ANKRD28: variants seen among roughly 807,000 people sequenced by gnomAD.
ANKRD28 encodes ankyrin repeat domain 28.
ANKRD28 carries 44 observed loss-of-function variants against 126.5 expected under a neutral mutation model. The observed-to-expected ratio is 0.35, with a 90% CI of 0.27 to 0.45. The LOEUF (loss-of-function observed/expected upper bound fraction) is 0.45, where lower values mean the gene tolerates loss of function less well. ANKRD28 is among the 20% of genes least tolerant of loss of function. ANKRD28 has a pLI of 1.00. For synonymous variants in ANKRD28, 442 were observed against 468.5 expected (o/e 0.94, Z 0.73); for missense variants, 1,110 against 1,316.6 (o/e 0.84, Z 2.43).
In ANKRD28 at chr3:15,796,663, TA is replaced by T. The variant is rs2060291922; in HGVS notation, c.-143del. ...GCTGGGTTTTTTTTTTTTTTAAAGT[TA>T]ATAAGTACTACTGGAAAAACAAGTT... On this transcript the variant is annotated 5_prime_UTR_variant, in exon 1 of 28. Transcript: ENST00000683139. The T allele has an allele frequency of 3.2e-6, 3 of 927,128 alleles. No homozygotes were observed. 57.4% of individuals were successfully genotyped at this position (927,128 alleles called of 1,614,324 possible).
intron 4 of ANKRD28, among the ~76,000 whole-genome samples, chr3:15,737,599 G>A (rs956673757): frequency 1.3e-3 from 25 of 19,578 alleles, no homozygotes; most frequent in African/African-American, 4.7e-3. Flanking sequence ...TGAGTAGCTA[G>A]GACTACAGGT....
chr3:15,714,597 T>C lies in ANKRD28; in HGVS notation c.1056A>G (p.Ser352=). Residue 352 remains serine (S), a synonymous_variant, in exon 9 of 28, where the codon TCA becomes TCG. Transcript: ENST00000683139. ...TTTTACCACTCTGGATAATGGTTTGTGATCGGGAGAATCTACCGTGGAGAG... is the reference window on the plus strand; with the variant it reads ...TTTTACCACTCTGGATAATGGTTTGCGATCGGGAGAATCTACCGTGGAGAG... ...MTALHGRFSR[S]QTIIQSGAVI... is the part of the protein sequence containing the mutation. 1 of 1,595,932 alleles carries C rather than the reference T, an allele frequency of 6.3e-7. No individual in the cohort carries two copies. The highest frequency in any genetic ancestry group is 8.5e-7 in the Non-Finnish European group (1 of 1,174,620).
chr3:15,764,626 T>C (rs575127498), intron 3 of ANKRD28, among the ~76,000 whole-genome samples: 7 of 152,078 alleles, frequency 4.6e-5, no homozygotes, highest in African/African-American at 1.7e-4. Context: ...TGTGTTAAAA[T>C]AAAAAATGCA....
chr3:15,800,224 T>C (rs975518012), upstream of ANKRD28, among the ~76,000 whole-genome samples: 1 of 152,054 alleles, frequency 6.6e-6, no homozygotes, highest in African/African-American at 2.4e-5. Flanking sequence ...CCTGCAAAGA[T>C]TTTTGTCTAA....
At chr3:15,701,003 G>A (rs546689356) in intron 14 of ANKRD28, among the ~76,000 whole-genome samples, 22 of 152,162 alleles carry the variant, frequency 1.4e-4, no homozygotes, top group South Asian at 1.2e-3. Flanking sequence ...ATTCAAATAC[G>A]TCTACCCAAA....
In ANKRD28 at chr3:15,814,363, G is replaced by A; in HGVS notation, c.28-19057C>T. ...AGAATACGCTGATCCTAGAAATTAAGGGCTATGTTATTTATAAATAACTAG... is the reference window on the plus strand; with the variant it reads ...AGAATACGCTGATCCTAGAAATTAAAGGCTATGTTATTTATAAATAACTAG... On this transcript the variant is annotated intron_variant, in intron 1 of 27. Coordinates refer to the ANKRD28 transcript ENST00000399451. This position sits in a 1 kb window ranked among gnomAD's most constrained non-coding sequence, Gnocchi z 4.7. 2 of 1,007,008 alleles carry A rather than the reference G, an allele frequency of 2.0e-6. No individual in the cohort carries two copies. The highest frequency in any genetic ancestry group is 1.7e-5 in the African/African-American group (1 of 58,336). The allele number at this position is 1,007,008 out of a possible 1,614,324, so 62.4% of individuals were successfully genotyped here.
intron 1 of ANKRD28, among the ~76,000 whole-genome samples, chr3:15,829,572 T>C (rs535037495): frequency 6.6e-6 from 1 of 152,286 alleles, no homozygotes; most frequent in East Asian, 1.9e-4. Context: ...TTTTACAATA[T>C]CATATATCAG....
Position 15,720,260 on chromosome 3 carries a change from C to A in ANKRD28, c.996+655G>T, listed in dbSNP as rs909554693. Among the ~76,000 whole-genome samples, 3 of 152,242 alleles carry A rather than the reference C, an allele frequency of 2.0e-5. No individual in the cohort carries two copies. In the South Asian group the frequency reaches 6.2e-4, roughly 32 times the overall value. ...GCAACTATTCCTTATGTGCAACACA[C>A]TGACAGTTTTTTTTCCCTAACACTG... On this transcript the variant is annotated intron_variant, in intron 8 of 27. Coordinates refer to ENST00000683139, the MANE Select transcript of ANKRD28 (RefSeq NM_001349278.2).
intron 1 of ANKRD28, among the ~76,000 whole-genome samples, chr3:15,840,030 T>C (rs990675693): frequency 2.0e-5 from 3 of 152,282 alleles, no homozygotes; most frequent in South Asian, 4.1e-4. Context: ...TTATTCAACA[T>C]AGTACTGGAA....
At chr3:15,844,458 A>AG (rs1367003997) in intron 1 of ANKRD28, among the ~76,000 whole-genome samples, 1 of 152,126 alleles carries the variant, frequency 6.6e-6, no homozygotes, top group Non-Finnish European at 1.5e-5. Flanking sequence ...GAAAAAAAAA[A>AG]CAAAACACCT....
rs1575828372 is a variant in ANKRD28 at position 15,853,637 on chromosome 3, T to A, written c.27+5740A>T. Among the ~76,000 whole-genome samples, 1 of 151,972 alleles carries A rather than the reference T, an allele frequency of 6.6e-6. No individual in the cohort carries two copies. Among genetic ancestry groups the A allele is most frequent in the African/African-American group, 2.4e-5 (1 of 41,370 alleles). ...GGCGCCCGCCACCACGCCTGGCTAA[T>A]TTTTTGTATTTTTAGTAGAGATGGG... On this transcript the variant is annotated intron_variant, in intron 1 of 27. Coordinates refer to the ANKRD28 transcript ENST00000399451. This position sits in a 1 kb window ranked among gnomAD's most constrained non-coding sequence, Gnocchi z 4.2.
At chr3:15,836,609 G>C (rs1486709436) in intron 1 of ANKRD28, among the ~76,000 whole-genome samples, 4 of 152,100 alleles carry the variant, frequency 2.6e-5, no homozygotes, top group Non-Finnish European at 5.9e-5. Context: ...GACACAAGCA[G>C]GCTGAAACGA....
intron 1 of ANKRD28, among the ~76,000 whole-genome samples, chr3:15,821,709 A>C (rs1394521165): frequency 2.0e-5 from 3 of 152,214 alleles, no homozygotes; most frequent in Admixed American, 1.3e-4. Context: ...ATTTTAATTT[A>C]CTGCACACCA....
intron 2 of ANKRD28, among the ~76,000 whole-genome samples, chr3:15,794,620 C>T (rs540128026): frequency 6.6e-6 from 1 of 152,284 alleles, no homozygotes; most frequent in South Asian, 2.1e-4. Context: ...CATATATCCA[C>T]CTTTCTAAAA....
At chr3:15,828,349 C>T (rs1374867761) in intron 1 of ANKRD28, among the ~76,000 whole-genome samples, 13 of 152,038 alleles carry the variant, frequency 8.6e-5, no homozygotes, top group Admixed American at 8.5e-4. Flanking sequence ...TGCCTGTAAT[C>T]ACAGCACTTT....
intron 1 of ANKRD28, among the ~76,000 whole-genome samples, chr3:15,856,706 T>C (rs1029306712): frequency 6.6e-6 from 1 of 152,250 alleles, no homozygotes; most frequent in Non-Finnish European, 1.5e-5. Context: ...AATTATCTTA[T>C]TCAAATTGAC....
In ANKRD28 at chr3:15,833,682, G is replaced by A. The variant is rs1392084750; in HGVS notation, c.27+25695C>T. ...TAACTAACCATTCTGACTCATATAAGATGGTTTTAACCCATTTATGCTGGA... is the reference window on the plus strand; with the variant it reads ...TAACTAACCATTCTGACTCATATAAAATGGTTTTAACCCATTTATGCTGGA... On this transcript the variant is annotated intron_variant, in intron 1 of 27. Coordinates refer to the ANKRD28 transcript ENST00000399451. The surrounding 1 kb of genome is among the most constrained non-coding windows in gnomAD (Gnocchi z 4.4). Among the ~76,000 whole-genome samples the A allele has an allele frequency of 6.6e-6, 1 of 151,694 alleles. No individual in the cohort carries two copies. Among genetic ancestry groups the A allele is most frequent in the African/African-American group, 2.4e-5 (1 of 41,312 alleles).
chr3:15,689,953 T>C (rs920610639), intron 18 of ANKRD28, 66 bp downstream of exon 18: 1 of 1,351,592 alleles, frequency 7.4e-7, no homozygotes. Context: ...AAATATTATA[T>C]ATCAGAAATT....
chr3:15,718,705 G>C (rs1028417732), intron 8 of ANKRD28, among the ~76,000 whole-genome samples: 1 of 152,134 alleles, frequency 6.6e-6, no homozygotes, highest in Admixed American at 6.5e-5. Flanking sequence ...AGTAGCTGAC[G>C]ACACAGGTAA....
Sources: allele counts gnomAD v4.1 joint callset (sites outside exome capture counted in the v4.1 genomes callset), GRCh38; gene constraint gnomAD v4.1.1; non-coding constraint Gnocchi (gnomAD v3.1); transcripts MANE v1.5; gene names NCBI Gene and HGNC (gene_info 2026-07-23, HGNC 2026-07-21).